Variants in SLC6A19 observed in about 807,000 individuals in gnomAD.
SLC6A19 encodes sodium-dependent neutral amino acid transporter B(0)AT1.
In SLC6A19, 67 loss-of-function variants were observed where a neutral mutation model predicts 68.3. The observed-to-expected ratio is 0.98, with a 90% CI of 0.81 to 1.20. The LOEUF is 1.20. SLC6A19 is among the 50% of genes most tolerant of loss of function. The pLI is 0.00. For missense variants in SLC6A19, 813 were observed against 851.6 expected (o/e 0.95, Z 0.56); for synonymous variants, 392 against 374.9 (o/e 1.05, Z -0.53).
At position 1,204,219 on chromosome 5, in the gene SLC6A19, C is replaced by T. The variant is rs939741086; in HGVS notation, c.202+2367C>T. ...GTCCTTCGAGGTTAAAAACCATTTA[C>T]GCGTGCCTCCGAGTCTCCTGTGTCT... On this transcript the variant is annotated intron_variant, in intron 1 of 11. Transcript: ENST00000304460. 4.6e-5 allele frequency among the ~76,000 whole-genome samples: 7 copies of T among 152,214 alleles called. No individual in the cohort carries two copies. The South Asian group carries it at 1.0e-3, about 23-fold the overall frequency.
chr5:1,222,195 G>T lies in SLC6A19; in HGVS notation c.*291G>T, dbSNP rs1276458780. On this transcript the variant is annotated 3_prime_UTR_variant, in exon 12 of 12. Coordinates refer to ENST00000304460, the MANE Select transcript of SLC6A19 (RefSeq NM_001003841.3). The stretch of plus-strand genomic sequence containing the variant: ...TGTGCAGATGTGTCATGTTGTGTGT[G>T]TGCATGTACATGTATGGACATTGTG... 8 of 591,946 alleles carry T rather than the reference G, an allele frequency of 1.4e-5. No homozygotes were observed. Among genetic ancestry groups the T allele is most frequent in the African/African-American group, 1.3e-4 (7 of 53,740 alleles). 36.7% of individuals were successfully genotyped at this position (591,946 alleles called of 1,614,324 possible).
At position 1,222,448 on chromosome 5, in the gene SLC6A19, G is replaced by A. The variant is rs1270599156; in HGVS notation, c.*544G>A. 2.3e-6 allele frequency: 1 copy of A among 434,496 alleles called. No homozygotes were observed. Among genetic ancestry groups the A allele is most frequent in the Non-Finnish European group, 4.0e-6 (1 of 248,314 alleles). The allele number at this position is 434,496 out of a possible 1,614,324, so 26.9% of individuals were successfully genotyped here. ...ATGCAATTGTGTGTATGTGTGTTCT[G>A]TGTGTGCGTTTGCAAGTATATATGC... On this transcript the variant is annotated 3_prime_UTR_variant, in exon 12 of 12. Transcript: ENST00000304460.
In SLC6A19 at chr5:1,213,544, A is replaced by G. The variant is rs866318708; in HGVS notation, c.745A>G (p.Asn249Asp). 6.2e-7 allele frequency: 1 copy of G among 1,610,102 alleles called. No individual in the cohort carries two copies. Among genetic ancestry groups the G allele is most frequent in the South Asian group, 1.1e-5 (1 of 90,894 alleles). Residue 249 changes from asparagine (N) to aspartate (D), a missense_variant, in exon 5 of 12, where the codon AAT becomes GAT. Transcript: ENST00000304460. ...AGGCCTGACGCTGAAGGGCGCCACCAATGGCATCGTCTTCCTCTTCACGCC... is the reference window on the plus strand; with the variant it reads ...AGGCCTGACGCTGAAGGGCGCCACCGATGGCATCGTCTTCCTCTTCACGCC... Reference protein sequence around the residue: ...IRGLTLKGATNGIVFLFTPNV... With the variant: ...IRGLTLKGATDGIVFLFTPNV...
Position 1,219,046 on chromosome 5 carries a change from C to T in SLC6A19, c.1317C>T (p.Val439=), listed in dbSNP as rs150521851. ...LSSMFGNMEG[V]VVPLQDLRVI... ...CTATGTTTGGGAACATGGAGGGCGT[C>T]GTTGTGCCCCTGCAGGACCTCAGAG... Residue 439 remains valine (V), a synonymous_variant, in exon 9 of 12, where the codon GTC becomes GTT. Transcript: ENST00000304460. 351 of 1,614,032 alleles carry T rather than the reference C, an allele frequency of 2.2e-4. 6 individuals carry two copies. The East Asian group carries it at 7.3e-3, about 34-fold the overall frequency.
At position 1,203,075 on chromosome 5, in the gene SLC6A19, G is replaced by A. The variant is rs148851088; in HGVS notation, c.202+1223G>A. Among the ~76,000 whole-genome samples, 1,138 of 152,194 alleles carry A rather than the reference G, an allele frequency of 7.5e-3. 4 individuals are homozygous for A. The highest frequency in any genetic ancestry group is 0.017 in the Middle Eastern group (5 of 294). On this transcript the variant is annotated intron_variant, in intron 1 of 11. Coordinates refer to ENST00000304460, the MANE Select transcript of SLC6A19 (RefSeq NM_001003841.3). ...CCTATCCTGTGGGGAGGATCCCTGC[G>A]CTCACCCACACCCTGAGTTTGTTTA...
At chr5:1,219,693 C>G (rs753924867) in intron 10 of SLC6A19, 29 bp downstream of exon 10, 1 of 1,600,898 alleles carries the variant, frequency 6.2e-7, no homozygotes, top group South Asian at 1.1e-5. Context: ...ACAGGTGCCT[C>G]TAATGCAGAA....
chr5:1,221,577 C>A, intron 11 of SLC6A19, 124 bp from the exon 12 acceptor site: 1 of 1,274,700 alleles, frequency 7.8e-7, no homozygotes, highest in East Asian at 2.5e-5. Flanking sequence ...GCTGGAGGAG[C>A]CCCAGGCCAC....
chr5:1,203,407 TGCGGGCAGCGGGCA>T (rs753609962), intron 1 of SLC6A19, among the ~76,000 whole-genome samples: 1 of 151,810 alleles, frequency 6.6e-6, no homozygotes, highest in Non-Finnish European at 1.5e-5. Flanking sequence ...GGTGGACAGG[TGCGGGCAGCGGGCA>T]GCGGGCAGCG....
intron 10 of SLC6A19, 56 bp downstream of exon 10, chr5:1,219,720 C>T (rs1561169403): frequency 1.5e-5 from 24 of 1,594,826 alleles, no homozygotes; most frequent in East Asian, 1.1e-4. Context: ...GGTCACAGGG[C>T]GTTCCTGTGA....
rs2126507225 is a variant in SLC6A19 at position 1,215,046 on chromosome 5, T to G, written c.887+981T>G. ...GGTGTTGGAGGGACAGAAAGGACCC[T>G]GGAGTCATTGTGCGAGCACTGGGTG... On this transcript the variant is annotated intron_variant, in intron 6 of 11. Coordinates refer to ENST00000304460, the MANE Select transcript of SLC6A19 (RefSeq NM_001003841.3). This position sits in a 1 kb window ranked among gnomAD's most constrained non-coding sequence, Gnocchi z 5.1. 6.6e-6 allele frequency among the ~76,000 whole-genome samples: 1 copy of G among 152,042 alleles called. No individual in the cohort carries two copies. Among genetic ancestry groups the G allele is most frequent in the Admixed American group, 6.5e-5 (1 of 15,286 alleles).
rs202017164 is a variant in SLC6A19, at chr5:1,216,776, A to G, written c.1017-13A>G. The G allele has an allele frequency of 3.3e-5, 54 of 1,613,758 alleles. No homozygotes were observed. Among genetic ancestry groups the G allele is most frequent in the Non-Finnish European group, 3.9e-5 (46 of 1,180,040 alleles). The stretch of plus-strand genomic sequence containing the variant: ...TGGCCCCAGGTGGCCGTCAGCCTCA[A>G]TCTGACCCGCAGGAACATCCTGACC... On this transcript the variant is annotated splice_polypyrimidine_tract_variant and intron_variant, in intron 7 of 11. Coordinates refer to ENST00000304460, the MANE Select transcript of SLC6A19 (RefSeq NM_001003841.3).
chr5:1,208,760 C>G lies in SLC6A19; in HGVS notation c.217C>G (p.Pro73Ala). ...TCCCATTGCAGGAGCCTTCATGATC[C>G]CGTTCCTCATCCTGCTGGTCCTGGA... Reference protein sequence around the residue: ...QSHGGGAFMIPFLILLVLEGI... With the variant: ...QSHGGGAFMIAFLILLVLEGI... The change falls in exon 2 of 12, where the codon CCG becomes GCG. Residue 73 changes from proline (P) to alanine (A), a missense_variant. By Grantham distance (27) the Pro-to-Ala change is conservative. Transcript: ENST00000304460. 6.2e-7 allele frequency: 1 copy of G among 1,613,488 alleles called. No homozygotes were observed. The highest frequency in any genetic ancestry group is 8.5e-7 in the Non-Finnish European group (1 of 1,180,006).
intron 1 of SLC6A19, among the ~76,000 whole-genome samples, chr5:1,206,357 T>G (rs551702082): frequency 2.0e-5 from 3 of 149,208 alleles, no homozygotes; most frequent in Non-Finnish European, 4.5e-5. Flanking sequence ...CCTCTGTGAC[T>G]CTGTCTCTGT....
chr5:1,203,792 G>C (rs535958549), intron 1 of SLC6A19, among the ~76,000 whole-genome samples: 2 of 152,222 alleles, frequency 1.3e-5, no homozygotes, highest in East Asian at 1.9e-4. Context: ...AGAGGGACTC[G>C]GGCCAGAAGG....
Position 1,210,388 on chromosome 5 carries a change from G to T in SLC6A19, c.344-56G>T, listed in dbSNP as rs1745990876. On this transcript the variant is annotated intron_variant, in intron 2 of 11. Coordinates refer to ENST00000304460, the MANE Select transcript of SLC6A19 (RefSeq NM_001003841.3). ...GGACCTCCTGCTCAGAGTGGGGATG[G>T]GTGGCCAGTGGAGGGTGTGCCTCGG... 8 of 1,605,944 alleles carry T rather than the reference G, an allele frequency of 5.0e-6. 1 individual carries two copies. The South Asian group carries it at 8.9e-5, about 18-fold the overall frequency.
chr5:1,214,468 G>A lies in SLC6A19; in HGVS notation c.887+403G>A, dbSNP rs1036329530. On this transcript the variant is annotated intron_variant, in intron 6 of 11. Coordinates refer to ENST00000304460, the MANE Select transcript of SLC6A19 (RefSeq NM_001003841.3). The surrounding 1 kb of genome is among the most constrained non-coding windows in gnomAD (Gnocchi z 7.4). ...CCGACCAAGGTCTGATCCTTCCACT[G>A]CCCCTTCCCCACGTACCCACTGCGC... Among the ~76,000 whole-genome samples the A allele has an allele frequency of 4.6e-5, 7 of 152,188 alleles. No individual in the cohort carries two copies. Among genetic ancestry groups the A allele is most frequent in the Non-Finnish European group, 8.8e-5 (6 of 68,034 alleles).
chr5:1,218,814 G>C, intron 8 of SLC6A19, 89 bp from the exon 9 acceptor site: 1 of 1,396,174 alleles, frequency 7.2e-7, no homozygotes, highest in Non-Finnish European at 1.0e-6. Context: ...CCCATGCTGC[G>C]TGGCTTGGCG....
chr5:1,206,884 C>T lies in SLC6A19; in HGVS notation c.203-1862C>T, dbSNP rs550296492. Among the ~76,000 whole-genome samples the T allele has an allele frequency of 2.6e-5, 4 of 152,320 alleles. No individual in the cohort carries two copies. In the East Asian group the frequency reaches 7.7e-4, roughly 29 times the overall value. On this transcript the variant is annotated intron_variant, in intron 1 of 11. Coordinates refer to ENST00000304460, the MANE Select transcript of SLC6A19 (RefSeq NM_001003841.3). ...GATCAGGCTCACTGGGGTTTGGGACCTGCACACCCCCAGGCCCTTCAGCCA... is the reference window on the plus strand; with the variant it reads ...GATCAGGCTCACTGGGGTTTGGGACTTGCACACCCCCAGGCCCTTCAGCCA...
At chr5:1,218,220 C>T (rs1330760254) in intron 8 of SLC6A19, among the ~76,000 whole-genome samples, 2 of 152,230 alleles carry the variant, frequency 1.3e-5, no homozygotes, top group Admixed American at 6.5e-5. Context: ...GTTAAGCGGC[C>T]GTGGAGGACC....
Sources: gnomAD v4.1 joint callset for allele counts (sites outside exome capture counted in the v4.1 genomes callset) on GRCh38, gnomAD v4.1.1 for gene constraint, Gnocchi (gnomAD v3.1) non-coding constraint, MANE v1.5 for transcripts, NCBI Gene and HGNC (gene_info 2026-07-23, HGNC 2026-07-21) for gene names.